Variants in ADAMTS13 observed in about 807,000 individuals in gnomAD.
The protein encoded by ADAMTS13 is A disintegrin and metalloproteinase with thrombospondin motifs 13.
ADAMTS13 carries 110 observed loss-of-function variants against 155.1 expected under a neutral mutation model. That is an observed-to-expected ratio of 0.71 (90% confidence interval 0.61 to 0.83). The LOEUF is 0.83. Among genes scored for constraint, ADAMTS13 ranks in the 40% least tolerant of loss-of-function variants. The probability of loss-of-function intolerance (pLI) is 0.00; values close to 1 mark genes in which losing one functional copy is unlikely to be tolerated. For missense variants in ADAMTS13, 1,707 were observed against 1,891.7 expected, an observed-to-expected ratio of 0.90 and a Z score of 1.81; for synonymous variants, 758 against 756.4, an observed-to-expected ratio of 1.00 and a Z score of -0.03.
In ADAMTS13 at chr9:133,440,324, C is replaced by A; in HGVS notation, c.1787-20C>A. ...TGGGTGCTCAGCTCCACACAGCTAA[C>A]AGGGCTGGTTCCCCGACAGCGGTGA... On this transcript the variant is annotated intron_variant, in intron 15 of 28. Coordinates refer to ENST00000355699, the MANE Select transcript of ADAMTS13 (RefSeq NM_139027.6). This position sits in a 1 kb window ranked among gnomAD's most constrained non-coding sequence, Gnocchi z 4.3. The A allele has an allele frequency of 6.2e-7, 1 of 1,613,788 alleles. No homozygotes were observed. Among genetic ancestry groups the A allele is most frequent in the South Asian group, 1.1e-5 (1 of 91,088 alleles).
At position 133,424,620 on chromosome 9, in the gene ADAMTS13, T is replaced by A; in HGVS notation, c.330+142T>A. 4 of 1,258,656 alleles carry A rather than the reference T, an allele frequency of 3.2e-6. No individual in the cohort carries two copies. Among genetic ancestry groups the A allele is most frequent in the Non-Finnish European group, 4.4e-6 (4 of 899,352 alleles). The allele number at this position is 1,258,656 out of a possible 1,614,324, so 78.0% of individuals were successfully genotyped here. A position where few individuals can be genotyped will look rare whatever the true frequency, so the allele number is the denominator to read the frequency against. ...CGGGGTTCTTCCTCTTCTCCCTCCC[T>A]CCCCTGGGTGGAGGTGGGTGAGGTC... is the stretch of plus-strand genomic sequence containing the variant. On this transcript the variant is annotated intron_variant, in intron 3 of 28. Coordinates refer to ENST00000355699, the MANE Select transcript of ADAMTS13 (RefSeq NM_139027.6). This position sits in a 1 kb window ranked among gnomAD's most constrained non-coding sequence, Gnocchi z 4.3.
rs587660303 is a variant in ADAMTS13 at position 133,453,325 on chromosome 9, A to G, written c.3045-1090A>G. 5.9e-5 allele frequency among the ~76,000 whole-genome samples: 9 copies of G among 152,078 alleles called. No homozygotes were observed. The East Asian group carries it at 1.4e-3, about 23-fold the overall frequency. On this transcript the variant is annotated intron_variant, in intron 23 of 28. Coordinates refer to ENST00000355699, the MANE Select transcript of ADAMTS13 (RefSeq NM_139027.6). ...GTGGTGGGTGCCTGTAGTCCCAGCT[A>G]CTTGGGAGGCTGAGGCAGGAGAATG...
intron 16 of ADAMTS13, among the ~76,000 whole-genome samples, chr9:133,442,170 T>A (rs1456040544): frequency 5.9e-5 from 9 of 152,108 alleles, no homozygotes; most frequent in African/African-American, 2.2e-4. Flanking sequence ...GCTGGAGTGC[T>A]ATGTTGCCCA....
intron 7 of ADAMTS13, 151 bp from the exon 8 acceptor site, chr9:133,429,788 C>T: frequency 1.8e-6 from 2 of 1,085,402 alleles, no homozygotes; most frequent in Non-Finnish European, 2.7e-6. Context: ...AGAGCCGGCT[C>T]CTGGTGGGGG....
chr9:133,455,864 A>G lies in ADAMTS13; in HGVS notation c.3401-205A>G, dbSNP rs1842710239. ...CTCTGCATGTGCCCCCTCTTGCTGG[A>G]TCATCTGGTAGCAGCCCTGTGCCCT... On this transcript the variant is annotated intron_variant, in intron 25 of 28. Coordinates refer to ENST00000355699, the MANE Select transcript of ADAMTS13 (RefSeq NM_139027.6). The G allele has an allele frequency of 1.4e-5, 11 of 780,272 alleles. No homozygotes were observed. In the Admixed American group the frequency reaches 2.4e-4, roughly 17 times the overall value. 48.3% of individuals were successfully genotyped at this position (780,272 alleles called of 1,614,324 possible).
upstream of ADAMTS13, among the ~76,000 whole-genome samples, chr9:133,417,156 C>A (rs1395689632): frequency 1.3e-5 from 2 of 152,322 alleles, no homozygotes; most frequent in Non-Finnish European, 2.9e-5. Flanking sequence ...CGACTACCGG[C>A]GCGCGCCATC....
In ADAMTS13 at chr9:133,445,131, A is replaced by G. The variant is rs191678083; in HGVS notation, c.2610+79A>G. On this transcript the variant is annotated intron_variant, in intron 20 of 28. Transcript: ENST00000355699. The surrounding 1 kb of genome is among the most constrained non-coding windows in gnomAD (Gnocchi z 5.0). ...GGGAGAACGAGGAGCACCCATTGCC[A>G]CCGTCCTCCAGGCCAGAGCAAGAAC... The G allele has an allele frequency of 2.0e-6, 3 of 1,478,942 alleles. No individual in the cohort carries two copies. The highest frequency in any genetic ancestry group is 1.4e-5 in the African/African-American group (1 of 72,166). The allele number at this position is 1,478,942 out of a possible 1,614,324, so 91.6% of individuals were successfully genotyped here. A position where few individuals can be genotyped will look rare whatever the true frequency, so the allele number is the denominator to read the frequency against.
At position 133,423,128 on chromosome 9, in the gene ADAMTS13, G is replaced by A; in HGVS notation, c.133G>A (p.Ala45Thr). Reference protein sequence around the residue: ...QSCLQALEPQAVSSYLSPGAP... With the variant: ...QSCLQALEPQTVSSYLSPGAP... ...TTGTCTTCAGGCTTTGGAGCCACAG[G>A]CCGTGTCTTCTTACTTGAGCCCTGG... The change falls in exon 2 of 29, where the codon GCC (alanine) becomes ACC (threonine). Residue 45 changes from alanine to threonine, a missense_variant. This residue lies in a region of ADAMTS13 where 733 missense variants were observed against 749.6 expected (regional missense o/e 0.98). Coordinates refer to ENST00000355699, the MANE Select transcript of ADAMTS13 (RefSeq NM_139027.6). 1 of 1,613,748 alleles carries A rather than the reference G, an allele frequency of 6.2e-7. No homozygotes were observed. The highest frequency in any genetic ancestry group is 8.5e-7 in the Non-Finnish European group (1 of 1,179,944).
chr9:133,431,058 T>G (rs1002043375), intron 8 of ADAMTS13, among the ~76,000 whole-genome samples: 5 of 151,328 alleles, frequency 3.3e-5, no homozygotes, highest in African/African-American at 1.2e-4. Flanking sequence ...CTCAACTTCT[T>G]GGGCACAAAC....
rs1840456103 is a variant in ADAMTS13 at position 133,428,655 on chromosome 9, C to T, written c.708C>T (p.Gly236=). ...CCAGCTTCGGCCTGGAGCACGACGG[C>T]GCGCCCGGCAGCGGCTGCGGCCCCA... ...IGHSFGLEHD[G]APGSGCGPSG... is the part of the protein sequence containing the mutation. Residue 236 remains glycine (G), a synonymous_variant, in exon 7 of 29, where the codon GGC becomes GGT. Coordinates refer to ENST00000355699, the MANE Select transcript of ADAMTS13 (RefSeq NM_139027.6). The T allele has an allele frequency of 2.2e-6, 3 of 1,350,198 alleles. No individual in the cohort carries two copies. The highest frequency in any genetic ancestry group is 3.4e-5 in the South Asian group (2 of 58,708). The allele number at this position is 1,350,198 out of a possible 1,614,324, so 83.6% of individuals were successfully genotyped here. A position where few individuals can be genotyped will look rare whatever the true frequency, so the allele number is the denominator to read the frequency against.
chr9:133,420,880 A>G (rs1403836974), upstream of ADAMTS13, among the ~76,000 whole-genome samples: 2 of 152,232 alleles, frequency 1.3e-5, no homozygotes, highest in African/African-American at 4.8e-5. Context: ...AGCCACTGAA[A>G]ATAATGTTTC....
Position 133,440,254 on chromosome 9 carries a change from G to A in ADAMTS13, c.1787-90G>A. ...CCTGTGGCTCCTTAGAGGAGGGCTG[G>A]GGACCCCGGGAAGGAGAGTCACTGA... On this transcript the variant is annotated intron_variant, in intron 15 of 28. Coordinates refer to ENST00000355699, the MANE Select transcript of ADAMTS13 (RefSeq NM_139027.6). The surrounding 1 kb of genome is among the most constrained non-coding windows in gnomAD (Gnocchi z 4.3). 2 of 1,560,726 alleles carry A rather than the reference G, an allele frequency of 1.3e-6. No homozygotes were observed. Among genetic ancestry groups the A allele is most frequent in the Non-Finnish European group, 1.8e-6 (2 of 1,139,948 alleles).
intron 7 of ADAMTS13, 133 bp downstream of exon 7, chr9:133,428,904 C>G: frequency 9.6e-7 from 1 of 1,037,786 alleles, no homozygotes; most frequent in Non-Finnish European, 1.2e-6. Flanking sequence ...GTCCAACCCA[C>G]CCCTCCGTCC....
chr9:133,417,885 C>G, upstream of ADAMTS13: 1 of 1,568,772 alleles, frequency 6.4e-7, no homozygotes. Context: ...CCACCCGAGA[C>G]CCCGGCCTCC....
intron 5 of ADAMTS13, 58 bp from the exon 6 acceptor site, chr9:133,426,141 G>A: frequency 6.2e-7 from 1 of 1,613,926 alleles, no homozygotes; most frequent in South Asian, 1.1e-5. Flanking sequence ...CTGCAAAGGT[G>A]ACCCCAGGGC....
rs375023562 is a variant in ADAMTS13 at position 133,437,012 on chromosome 9, A to G, written c.1435+57A>G. 4.9e-5 allele frequency: 77 copies of G among 1,559,246 alleles called. 1 individual carries two copies. The Admixed American group carries it at 1.3e-3, about 27-fold the overall frequency. On this transcript the variant is annotated intron_variant, in intron 12 of 28. Coordinates refer to ENST00000355699, the MANE Select transcript of ADAMTS13 (RefSeq NM_139027.6). The stretch of plus-strand genomic sequence containing the variant: ...GAGCCAGCCCTGGAGACCCTCGGAC[A>G]GGGCAGAGTCATAGGGGGGTTGGCC...
At chr9:133,444,365 T>C (rs1841912909) in intron 19 of ADAMTS13, among the ~76,000 whole-genome samples, 2 of 152,054 alleles carry the variant, frequency 1.3e-5, no homozygotes, top group South Asian at 4.2e-4. Context: ...TTTTTTTTTT[T>C]ATTAAAAGAC....
chr9:133,435,365 T>G (rs1841104841), intron 11 of ADAMTS13, among the ~76,000 whole-genome samples: 1 of 151,668 alleles, frequency 6.6e-6, no homozygotes, highest in South Asian at 2.1e-4. Flanking sequence ...TTTTTGTATT[T>G]TTAGTAGAGA....
At chr9:133,427,937 G>C (rs1840391257) in intron 6 of ADAMTS13, among the ~76,000 whole-genome samples, 1 of 152,226 alleles carries the variant, frequency 6.6e-6, no homozygotes, top group African/African-American at 2.4e-5. Context: ...CATGGCAATG[G>C]CAAACTGGTA....
Sources: gnomAD v4.1 joint callset for allele counts (sites outside exome capture counted in the v4.1 genomes callset) on GRCh38, gnomAD v4.1.1 for gene constraint, gnomAD v4.1.1 regional missense constraint, Gnocchi (gnomAD v3.1) non-coding constraint, MANE v1.5 for transcripts, NCBI Gene and HGNC (gene_info 2026-07-23, HGNC 2026-07-21) for gene names.